NTM: variants seen among roughly 807,000 people sequenced by gnomAD.
The protein encoded by NTM is neurotrimin, also known as IgLON family member 2.
Under a neutral mutation model 42.1 loss-of-function variants are expected in NTM, and 13 were observed. The ratio of observed to expected loss-of-function variants is 0.31; its 90% CI spans 0.20 to 0.49. The LOEUF is 0.49. NTM is among the 20% of genes least tolerant of loss of function. The pLI, the probability that NTM is intolerant of heterozygous loss-of-function variation, is 0.99. For synonymous variants in NTM, 187 were observed against 179.2 expected (o/e 1.04, Z -0.35); for missense variants, 373 against 452.8 (o/e 0.82, Z 1.60).
At chr11:132,181,888 C>T (rs1441826673) in intron 3 of NTM, among the ~76,000 whole-genome samples, 1 of 151,622 alleles carries the variant, frequency 6.6e-6, no homozygotes, top group Non-Finnish European at 1.5e-5. Context: ...CTATGCTGCA[C>T]CTATTAGAGT....
At chr11:132,125,098 G>A (rs936170068) in intron 2 of NTM, among the ~76,000 whole-genome samples, 2 of 152,120 alleles carry the variant, frequency 1.3e-5, no homozygotes, top group African/African-American at 4.8e-5. Flanking sequence ...CACACTGCCC[G>A]CATATCTGTC....
At chr11:131,984,581 C>A (rs916578842) in intron 2 of NTM, 1 of 152,154 alleles carries the variant, frequency 6.6e-6, no homozygotes, top group Non-Finnish European at 1.5e-5. Context: ...GTGGAGTACG[C>A]CCTACTTGGG....
intron 4 of NTM, among the ~76,000 whole-genome samples, chr11:132,300,012 C>A (rs184642449): frequency 7.2e-4 from 109 of 152,162 alleles, no homozygotes; most frequent in Admixed American, 1.7e-3. Context: ...CTGGGCTATG[C>A]AGCTATACCT....
intron 1 of NTM, chr11:131,661,284 C>T (rs903937922): frequency 2.1e-5 from 6 of 284,252 alleles, no homozygotes; most frequent in East Asian, 7.8e-5. Context: ...AGGTTTTGCA[C>T]GCTAATGCTA....
intron 1 of NTM, among the ~76,000 whole-genome samples, chr11:131,665,992 C>T (rs1000776535): frequency 6.6e-6 from 1 of 152,200 alleles, no homozygotes; most frequent in Non-Finnish European, 1.5e-5. Context: ...CTCAATTTCT[C>T]TTAATGGTCA....
Position 132,105,119 on chromosome 11 carries a change from CT to C in NTM, c.168-41162del, listed in dbSNP as rs2062189544. Reference sequence around the variant, plus strand: ...CTCAGGTTCACTGTGTCAGCTCACCCTATCTGACCCACATCCCCATCACTTT... The same window carrying C: ...CTCAGGTTCACTGTGTCAGCTCACCCATCTGACCCACATCCCCATCACTTT... On this transcript the variant is annotated intron_variant, in intron 2 of 8. Transcript: ENST00000683400. Among the ~76,000 whole-genome samples the C allele has an allele frequency of 2.0e-5, 3 of 150,810 alleles. No homozygotes were observed. In the South Asian group the frequency reaches 6.3e-4, roughly 32 times the overall value.
intron 2 of NTM, among the ~76,000 whole-genome samples, chr11:132,056,281 T>C (rs1193652385): frequency 6.6e-6 from 1 of 152,158 alleles, no homozygotes; most frequent in Non-Finnish European, 1.5e-5. Context: ...AGAATGGCTA[T>C]GAGAAAGAGA....
chr11:132,263,723 C>T (rs537053648), intron 4 of NTM, among the ~76,000 whole-genome samples: 1 of 152,288 alleles, frequency 6.6e-6, no homozygotes, highest in South Asian at 2.1e-4. Flanking sequence ...AGCTAAATAT[C>T]CAGTTTCATC....
At chr11:131,527,604 A>C (rs1268393090) in intron 1 of NTM, among the ~76,000 whole-genome samples, 3 of 152,176 alleles carry the variant, frequency 2.0e-5, no homozygotes, top group Non-Finnish European at 4.4e-5. Flanking sequence ...GCTTCCCAAG[A>C]CCCATCCTTG....
intron 1 of NTM, among the ~76,000 whole-genome samples, chr11:131,486,038 C>A (rs1246344945): frequency 6.6e-6 from 1 of 151,980 alleles, no homozygotes; most frequent in African/African-American, 2.4e-5. Flanking sequence ...TTAGATAACA[C>A]AATTTAAATA....
At chr11:132,165,490 A>G (rs989839206) in intron 3 of NTM, among the ~76,000 whole-genome samples, 4 of 152,236 alleles carry the variant, frequency 2.6e-5, no homozygotes, top group African/African-American at 9.6e-5. Context: ...ACATGGTCAC[A>G]GTAAAATAAG....
At chr11:131,887,742 G>A (rs2050632652) in intron 1 of NTM, among the ~76,000 whole-genome samples, 1 of 152,154 alleles carries the variant, frequency 6.6e-6, no homozygotes, top group African/African-American at 2.4e-5. Flanking sequence ...TAAGTTATGA[G>A]CCACCAGAAT....
At chr11:131,789,271 T>G (rs1837188385) in intron 1 of NTM, among the ~76,000 whole-genome samples, 1 of 151,200 alleles carries the variant, frequency 6.6e-6, no homozygotes, top group Admixed American at 6.6e-5. Flanking sequence ...AATCGGAAAT[T>G]TCATTGCAGT....
chr11:131,462,669 C>T (rs1237525196), intron 1 of NTM, among the ~76,000 whole-genome samples: 1 of 152,224 alleles, frequency 6.6e-6, no homozygotes. Flanking sequence ...TTCCTTTCAT[C>T]CTGCATGGAT....
chr11:131,761,899 G>T (rs2084270546), intron 1 of NTM, among the ~76,000 whole-genome samples: 1 of 149,210 alleles, frequency 6.7e-6, no homozygotes, highest in Non-Finnish European at 1.5e-5. Context: ...TGCTCTCTCT[G>T]TCTCCTCTCT....
chr11:131,640,050 A>G (rs2064946018), intron 1 of NTM, among the ~76,000 whole-genome samples: 2 of 152,212 alleles, frequency 1.3e-5, no homozygotes, highest in South Asian at 4.1e-4. Context: ...TTGAGCTAGG[A>G]AGACATGGGG....
chr11:131,375,371 A>G (rs1416539777), intron 1 of NTM, among the ~76,000 whole-genome samples: 2 of 152,220 alleles, frequency 1.3e-5, no homozygotes, highest in African/African-American at 4.8e-5. Context: ...CTTTATGTCT[A>G]TAGTCATTTG....
intron 7 of NTM, among the ~76,000 whole-genome samples, chr11:132,328,843 G>A (rs1041132117): frequency 6.6e-6 from 1 of 151,996 alleles, no homozygotes; most frequent in Admixed American, 6.6e-5. Flanking sequence ...ACTTGTTTCT[G>A]GGGCCCAGCA....
intron 2 of NTM, among the ~76,000 whole-genome samples, chr11:132,112,290 T>A (rs1422191698): frequency 6.6e-6 from 1 of 152,202 alleles, no homozygotes; most frequent in African/African-American, 2.4e-5. Flanking sequence ...AAGAAACTAG[T>A]GTCTTTTATT....
Sources: allele counts gnomAD v4.1 joint callset (sites outside exome capture counted in the v4.1 genomes callset), GRCh38; gene constraint gnomAD v4.1.1; transcripts MANE v1.5; gene names NCBI Gene and HGNC (gene_info 2026-07-23, HGNC 2026-07-21).